CSRNP3: variants seen among roughly 807,000 people sequenced by gnomAD.
CSRNP3 encodes the protein cysteine/serine-rich nuclear protein 3.
A neutral mutation model predicts 48.0 loss-of-function variants in CSRNP3; 12 were observed. That is an observed-to-expected ratio of 0.25 (90% CI 0.16 to 0.41). The LOEUF (loss-of-function observed/expected upper bound fraction) is 0.41. Among genes scored for constraint, CSRNP3 ranks in the 10% least tolerant of loss-of-function variants. The pLI, the probability that CSRNP3 is intolerant of heterozygous loss-of-function variation, is 1.00. For synonymous variants in CSRNP3, 263 were observed against 269.7 expected (o/e 0.98, Z 0.24); for missense variants, 580 against 724.4 (o/e 0.80, Z 2.29).
At chr2:165,477,601 G>A (rs980129135) in intron 1 of CSRNP3, among the ~76,000 whole-genome samples, 2 of 150,088 alleles carry the variant, frequency 1.3e-5, no homozygotes, top group African/African-American at 4.9e-5. Context: ...CCCGGGAGGC[G>A]GAGGTTACAA....
chr2:165,668,929 C>T (rs1377235170), intron 5 of CSRNP3, among the ~76,000 whole-genome samples: 1 of 152,172 alleles, frequency 6.6e-6, no homozygotes, highest in Non-Finnish European at 1.5e-5. Flanking sequence ...TCTTCAACAT[C>T]ATCATTAATT....
chr2:165,524,040 C>T (rs761277425), intron 3 of CSRNP3, among the ~76,000 whole-genome samples: 14 of 152,110 alleles, frequency 9.2e-5, no homozygotes, highest in Non-Finnish European at 1.9e-4. Flanking sequence ...CTAACAGGGA[C>T]ACACACAAAA....
In CSRNP3 at chr2:165,592,767, C is replaced by T. The variant is rs1050899850; in HGVS notation, c.-23-2276C>T. On this transcript the variant is annotated intron_variant, in intron 3 of 6. Coordinates refer to ENST00000651982, the MANE Select transcript of CSRNP3 (RefSeq NM_001172173.2). ...TGTAAGTTTCTTGAGGCCTCCCCAG[C>T]CATGTGTAACTGTGAGTCAATTAAA... Among the ~76,000 whole-genome samples, 36 of 151,734 alleles carry T rather than the reference C, an allele frequency of 2.4e-4. 2 individuals carry two copies. Among genetic ancestry groups the T allele is most frequent in the African/African-American group, 8.2e-4 (34 of 41,346 alleles).
At chr2:165,542,111 C>T (rs926150634) in intron 3 of CSRNP3, among the ~76,000 whole-genome samples, 2 of 152,142 alleles carry the variant, frequency 1.3e-5, no homozygotes, top group Admixed American at 6.6e-5. Context: ...ACTTCCAGAA[C>T]TTTTGATACT....
At chr2:165,628,386 C>T (rs1558955445) in intron 4 of CSRNP3, among the ~76,000 whole-genome samples, 1 of 152,168 alleles carries the variant, frequency 6.6e-6, no homozygotes, top group Non-Finnish European at 1.5e-5. Context: ...TGCAACATTT[C>T]TCCTCATAGA....
chr2:165,545,175 G>GT (rs1403735242), intron 3 of CSRNP3, among the ~76,000 whole-genome samples: 2 of 152,152 alleles, frequency 1.3e-5, no homozygotes, highest in African/African-American at 4.8e-5. Flanking sequence ...GCTGGTGGTA[G>GT]TAAAGGCTAA....
intron 5 of CSRNP3, 25 bp from the exon 6 acceptor site, chr2:165,676,287 C>G (rs374471764): frequency 1.2e-6 from 2 of 1,604,696 alleles, no homozygotes; most frequent in Non-Finnish European, 1.7e-6. Context: ...TAATGAGTCT[C>G]TTATTTGCTG....
intron 5 of CSRNP3, among the ~76,000 whole-genome samples, chr2:165,664,126 A>G (rs927183309): frequency 6.6e-6 from 1 of 152,196 alleles, no homozygotes; most frequent in Non-Finnish European, 1.5e-5. Context: ...CGAGGGTATA[A>G]TTAAATTGGT....
At chr2:165,639,076 A>G (rs1686681722) in intron 4 of CSRNP3, among the ~76,000 whole-genome samples, 1 of 152,214 alleles carries the variant, frequency 6.6e-6, no homozygotes, top group Non-Finnish European at 1.5e-5. Flanking sequence ...CTTATGACCA[A>G]CAACACCATA....
intron 3 of CSRNP3, among the ~76,000 whole-genome samples, chr2:165,586,088 C>T (rs950768371): frequency 3.3e-5 from 5 of 152,148 alleles, no homozygotes; most frequent in African/African-American, 1.2e-4. Context: ...GTGAACATCT[C>T]ATTACCATAT....
At chr2:165,563,478 G>T (rs1685260396) in intron 3 of CSRNP3, among the ~76,000 whole-genome samples, 1 of 152,156 alleles carries the variant, frequency 6.6e-6, no homozygotes, top group African/African-American at 2.4e-5. Context: ...CTGCACTGGA[G>T]TCTCTGTGAA....
chr2:165,678,003 T>C (rs1224063114), intron 6 of CSRNP3, among the ~76,000 whole-genome samples: 3 of 152,102 alleles, frequency 2.0e-5, no homozygotes, highest in South Asian at 4.1e-4. Context: ...ACTCAGGACC[T>C]AAACACATGA....
chr2:165,658,169 G>C (rs1220005326), intron 5 of CSRNP3, 149 bp downstream of exon 5: 10 of 848,844 alleles, frequency 1.2e-5, no homozygotes, highest in Non-Finnish European at 1.8e-5. Context: ...AAACGATATA[G>C]TCTGTTTGCT....
intron 3 of CSRNP3, among the ~76,000 whole-genome samples, chr2:165,584,505 A>C (rs1685596540): frequency 6.6e-6 from 1 of 152,222 alleles, no homozygotes; most frequent in Non-Finnish European, 1.5e-5. Flanking sequence ...TCAGTGAAAT[A>C]TGATGTCACA....
intron 4 of CSRNP3, among the ~76,000 whole-genome samples, chr2:165,632,219 T>C (rs145407500): frequency 9.9e-4 from 151 of 152,340 alleles, no homozygotes; most frequent in Non-Finnish European, 1.7e-3. Flanking sequence ...GCTGTCATTG[T>C]ATTAGGAAAA....
rs1687508005 is a variant in CSRNP3 at position 165,680,061 on chromosome 2, C to CAA, written c.*310_*311dup. The stretch of plus-strand genomic sequence containing the variant: ...TGCCAATCTGTGTAGATCAGAGCTC[C>CAA]AAATTTTGGATTATCGGGCCTGTGC... On this transcript the variant is annotated 3_prime_UTR_variant, in exon 7 of 7. Transcript: ENST00000651982. 1 of 238,772 alleles carries CAA rather than the reference C, an allele frequency of 4.2e-6. No individual in the cohort carries two copies. The highest frequency in any genetic ancestry group is 7.8e-5 in the East Asian group (1 of 12,898). The allele number at this position is 238,772 out of a possible 1,614,324, so 14.8% of individuals were successfully genotyped here. A position where few individuals can be genotyped will look rare whatever the true frequency, so the allele number is the denominator to read the frequency against.
intron 3 of CSRNP3, among the ~76,000 whole-genome samples, chr2:165,559,900 T>C (rs537980832): frequency 5.4e-4 from 79 of 147,104 alleles, no homozygotes; most frequent in Middle Eastern, 3.6e-3. Context: ...CCTGGGTTCA[T>C]GCCATTCTCC....
intron 3 of CSRNP3, among the ~76,000 whole-genome samples, chr2:165,551,647 G>A (rs1426295786): frequency 6.6e-6 from 1 of 152,134 alleles, no homozygotes; most frequent in African/African-American, 2.4e-5. Flanking sequence ...ATTCCCAGAG[G>A]AATTTAAAAC....
In CSRNP3 at chr2:165,680,378, C is replaced by G. The variant is rs945862359; in HGVS notation, c.*625C>G. ...TCATGACTGATCAGATTTGCAAATT[C>G]TTAAGGGTGAAATAGGCCTATTTTT... is the stretch of plus-strand genomic sequence containing the variant. On this transcript the variant is annotated 3_prime_UTR_variant, in exon 7 of 7. Transcript: ENST00000651982. 1 of 152,580 alleles carries G rather than the reference C, an allele frequency of 6.6e-6. No individual in the cohort carries two copies. The highest frequency in any genetic ancestry group is 1.5e-5 in the Non-Finnish European group (1 of 68,102). The allele number at this position is 152,580 out of a possible 1,614,324, so 9.5% of individuals were successfully genotyped here.
Sources: allele counts gnomAD v4.1 joint callset (sites outside exome capture counted in the v4.1 genomes callset), GRCh38; gene constraint gnomAD v4.1.1; transcripts MANE v1.5; gene names NCBI Gene and HGNC (gene_info 2026-07-23, HGNC 2026-07-21).